The following SLC8A1 variants were observed in gnomAD, a reference collection of about 807,000 sequenced individuals.
SLC8A1 encodes solute carrier family 8 member A1.
In SLC8A1, 18 loss-of-function variants were observed where a neutral mutation model predicts 68.3. The observed-to-expected ratio is 0.26, with a 90% CI of 0.18 to 0.39. The LOEUF is 0.39. SLC8A1 is among the 10% of genes least tolerant of loss of function. SLC8A1 has a pLI of 1.00. For missense variants in SLC8A1, 985 were observed against 1,156.7 expected, an observed-to-expected ratio of 0.85 and a Z score of 2.15; for synonymous variants, 475 against 415.5, an observed-to-expected ratio of 1.14 and a Z score of -1.74.
intron 2 of SLC8A1, among the ~76,000 whole-genome samples, chr2:40,282,729 A>G (rs899678263): frequency 2.0e-5 from 3 of 152,150 alleles, no homozygotes; most frequent in Non-Finnish European, 4.4e-5. Context: ...AAAGAGTGTC[A>G]TCATTTTCTC....
chr2:40,409,962 T>C (rs1459838665), intron 2 of SLC8A1, among the ~76,000 whole-genome samples: 1 of 148,644 alleles, frequency 6.7e-6, no homozygotes, highest in African/African-American at 2.5e-5. Context: ...GAGTTTAAAA[T>C]AACCTAGTGA....
intron 2 of SLC8A1, among the ~76,000 whole-genome samples, chr2:40,325,777 CAAAAAAAAAAAAAA>C (rs3059526): frequency 0.018 from 797 of 45,064 alleles, 17 homozygotes; most frequent in African/African-American, 0.06. Flanking sequence ...ACTAAAAATA[CAAAAAAAAAAAAAA>C]AAAAAAAAAA....
intron 2 of SLC8A1, among the ~76,000 whole-genome samples, chr2:40,349,093 A>C (rs1448671313): frequency 2.6e-5 from 4 of 152,184 alleles, no homozygotes; most frequent in Admixed American, 2.0e-4. Flanking sequence ...GCCCATTCTC[A>C]TTCTTCAGGG....
chr2:40,431,892 A>T (rs1646010466), intron 1 of SLC8A1, among the ~76,000 whole-genome samples: 1 of 152,122 alleles, frequency 6.6e-6, no homozygotes, highest in Admixed American at 6.5e-5. Context: ...AGATCCCACC[A>T]TAGACTAAAG....
At chr2:40,244,229 TGGTG>T (rs1242125523) in intron 2 of SLC8A1, among the ~76,000 whole-genome samples, 1 of 152,106 alleles carries the variant, frequency 6.6e-6, no homozygotes, top group Non-Finnish European at 1.5e-5. Context: ...CTTGGTTTAG[TGGTG>T]GGAGATACAT....
At chr2:40,307,375 G>C (rs923076652) in intron 2 of SLC8A1, among the ~76,000 whole-genome samples, 1 of 152,068 alleles carries the variant, frequency 6.6e-6, no homozygotes, top group Non-Finnish European at 1.5e-5. Context: ...TAGTTATCAG[G>C]GGCTGGGAGA....
At chr2:40,183,588 G>A (rs2050050850) in intron 2 of SLC8A1, among the ~76,000 whole-genome samples, 1 of 152,160 alleles carries the variant, frequency 6.6e-6, no homozygotes, top group African/African-American at 2.4e-5. Context: ...CAGAATCATA[G>A]GCTCCATCCA....
chr2:40,437,670 T>A (rs1012896639), intron 1 of SLC8A1, among the ~76,000 whole-genome samples: 7 of 152,160 alleles, frequency 4.6e-5, no homozygotes, highest in Non-Finnish European at 8.8e-5. Flanking sequence ...TAATTCAGTA[T>A]TTTTTAAAAT....
intron 2 of SLC8A1, among the ~76,000 whole-genome samples, chr2:40,421,037 T>C (rs1025574656): frequency 6.6e-6 from 1 of 152,076 alleles, no homozygotes; most frequent in Non-Finnish European, 1.5e-5. Context: ...TGAAACTTGT[T>C]GTTTAATAAA....
chr2:40,140,984 T>C (rs999614483), intron 6 of SLC8A1, among the ~76,000 whole-genome samples: 4 of 152,216 alleles, frequency 2.6e-5, no homozygotes, highest in African/African-American at 9.6e-5. Flanking sequence ...CATTGACATG[T>C]TTTAAAATGA....
rs577800037 is a variant in SLC8A1 at position 40,326,999 on chromosome 2, A to G, written c.1808+101474T>C. The stretch of plus-strand genomic sequence containing the variant: ...TTAGGTCCTCCATAGGAAACAAAAC[A>G]TTACTTTTGTGTAAAACAACTTGTA... On this transcript the variant is annotated intron_variant, in intron 2 of 7. Transcript: ENST00000406785. 2.0e-5 allele frequency among the ~76,000 whole-genome samples: 3 copies of G among 152,340 alleles called. No individual in the cohort carries two copies. The East Asian group carries it at 5.8e-4, about 29-fold the overall frequency.
intron 1 of SLC8A1, among the ~76,000 whole-genome samples, chr2:40,435,695 A>T (rs974413066): frequency 6.6e-6 from 1 of 152,172 alleles, no homozygotes; most frequent in Non-Finnish European, 1.5e-5. Context: ...TAGGATATAA[A>T]ATAACGAAGT....
intron 2 of SLC8A1, among the ~76,000 whole-genome samples, chr2:40,278,227 T>G (rs144209052): frequency 6.6e-6 from 1 of 152,222 alleles, no homozygotes; most frequent in East Asian, 1.9e-4. Flanking sequence ...TCCCAGCACT[T>G]TGGGAGGCCG....
rs984930918 is a variant in SLC8A1, at chr2:40,233,623, G to A, written c.1809-55768C>T. Among the ~76,000 whole-genome samples the A allele has an allele frequency of 3.6e-5, 5 of 138,414 alleles. No homozygotes were observed. The South Asian group carries it at 7.0e-4, about 19-fold the overall frequency. The allele number at this position is 138,414 out of a possible 152,430, so 90.8% of individuals were successfully genotyped here. On this transcript the variant is annotated intron_variant, in intron 2 of 7. Transcript: ENST00000406785. The stretch of plus-strand genomic sequence containing the variant: ...TAATTAGTTCCCATTTGTCAATTTT[G>A]GCTTTTGTTGTCATTGCTTTTGGTG...
intron 2 of SLC8A1, among the ~76,000 whole-genome samples, chr2:40,207,183 A>G (rs7598164): frequency 0.011 from 1,715 of 152,146 alleles, 38 homozygotes; most frequent in African/African-American, 0.039. Flanking sequence ...TATACAATCA[A>G]TGCTGTCTTA....
chr2:40,489,091 G>A (rs753368012), intron 1 of SLC8A1, among the ~76,000 whole-genome samples: 1 of 152,114 alleles, frequency 6.6e-6, no homozygotes, highest in African/African-American at 2.4e-5. Context: ...CCAACATTCT[G>A]TCATGTAACT....
At chr2:40,386,442 T>A (rs940100561) in intron 2 of SLC8A1, among the ~76,000 whole-genome samples, 3 of 150,958 alleles carry the variant, frequency 2.0e-5, no homozygotes, top group Admixed American at 2.0e-4. Context: ...ATGAGGCTTT[T>A]ACATTATTTA....
intron 1 of SLC8A1, among the ~76,000 whole-genome samples, chr2:40,491,421 C>A (rs1270128415): frequency 6.6e-6 from 1 of 152,108 alleles, no homozygotes; most frequent in African/African-American, 2.4e-5. Flanking sequence ...ACAATCATGT[C>A]ATCTGCAAAC....
chr2:40,407,278 C>A (rs1690670554), intron 2 of SLC8A1, among the ~76,000 whole-genome samples: 1 of 152,160 alleles, frequency 6.6e-6, no homozygotes, highest in Non-Finnish European at 1.5e-5. Flanking sequence ...GTTGGCCAGG[C>A]TGGTCTGGAA....
Sources: gnomAD v4.1 joint callset for allele counts (sites outside exome capture counted in the v4.1 genomes callset) on GRCh38, gnomAD v4.1.1 for gene constraint, MANE v1.5 for transcripts, NCBI Gene and HGNC (gene_info 2026-07-23, HGNC 2026-07-21) for gene names.